Variants in CACNA1D observed in about 807,000 individuals in gnomAD.
CACNA1D encodes the protein voltage-dependent L-type calcium channel subunit alpha-1D.
Under a neutral mutation model 257.1 loss-of-function variants are expected in CACNA1D, and 55 were observed. The ratio of observed to expected loss-of-function variants is 0.21; its 90% CI spans 0.17 to 0.27. The LOEUF is 0.27. Ranked by LOEUF, CACNA1D falls within the 10% of genes least tolerant of loss-of-function variation. The probability of loss-of-function intolerance (pLI) is 1.00; values close to 1 mark genes in which losing one functional copy is unlikely to be tolerated. For missense variants in CACNA1D, 1,876 were observed against 2,784.0 expected (o/e 0.67, Z 7.34); for synonymous variants, 980 against 1,014.9 (o/e 0.97, Z 0.65).
chr3:53,619,629 T>C (rs2093674658), intron 3 of CACNA1D, among the ~76,000 whole-genome samples: 1 of 152,326 alleles, frequency 6.6e-6, no homozygotes. Flanking sequence ...TTCCCTAACA[T>C]GTCTGACCTT....
intron 9 of CACNA1D, among the ~76,000 whole-genome samples, chr3:53,717,208 C>A (rs752411614): frequency 6.6e-6 from 1 of 152,236 alleles, no homozygotes; most frequent in Non-Finnish European, 1.5e-5. Context: ...TCTTCCGTGA[C>A]TTCCTCTTTT....
rs988716745 is a variant in CACNA1D at position 53,812,765 on chromosome 3, T to C, written c.*1359T>C. The C allele has an allele frequency of 5.9e-5, 9 of 152,260 alleles. No homozygotes were observed. The highest frequency in any genetic ancestry group is 9.6e-5 in the African/African-American group (4 of 41,458). The allele number at this position is 152,260 out of a possible 1,614,324, so 9.4% of individuals were successfully genotyped here. On this transcript the variant is annotated 3_prime_UTR_variant, in exon 48 of 48. Transcript: ENST00000350061. ...GTCCTCTGGGGACTGGTGGTGCTGC[T>C]TAAGAAATAAGGGGTGCTGGGGACA...
intron 8 of CACNA1D, among the ~76,000 whole-genome samples, chr3:53,676,340 T>A (rs2094376763): frequency 6.6e-6 from 1 of 152,198 alleles, no homozygotes; most frequent in Admixed American, 6.5e-5. Context: ...CCATTGATAT[T>A]TTTGTTGTTG....
chr3:53,723,736 G>A lies in CACNA1D; in HGVS notation c.1893-56G>A. ...CCAGTCACATCCCCGGGCAGGTGAT[G>A]TTCTGCTCTGTCCTGCATGGGTGTT... is the stretch of plus-strand genomic sequence containing the variant. On this transcript the variant is annotated intron_variant, in intron 13 of 47. Coordinates refer to ENST00000350061, the MANE Select transcript of CACNA1D (RefSeq NM_001128840.3). This position sits in a 1 kb window ranked among gnomAD's most constrained non-coding sequence, Gnocchi z 5.6. 2 of 1,587,942 alleles carry A rather than the reference G, an allele frequency of 1.3e-6. No individual in the cohort carries two copies. The highest frequency in any genetic ancestry group is 1.7e-6 in the Non-Finnish European group (2 of 1,156,222).
chr3:53,538,272 T>C (rs1247299578), intron 3 of CACNA1D, among the ~76,000 whole-genome samples: 1 of 150,752 alleles, frequency 6.6e-6, no homozygotes, highest in Non-Finnish European at 1.5e-5. Flanking sequence ...CTTAGCTTAC[T>C]GAGTACCTGG....
chr3:53,505,124 T>TG (rs2090778126), intron 3 of CACNA1D, among the ~76,000 whole-genome samples: 2 of 147,074 alleles, frequency 1.4e-5, no homozygotes, highest in East Asian at 2.0e-4. Flanking sequence ...TGTTTTTTTT[T>TG]TTTTTTTTTT....
At chr3:53,710,332 G>A (rs2094738418) in intron 9 of CACNA1D, 3 of 446,114 alleles carry the variant, frequency 6.7e-6, no homozygotes, top group Admixed American at 4.7e-5. Flanking sequence ...GTGGGGCCCT[G>A]GTTTGGCTGC....
intron 2 of CACNA1D, among the ~76,000 whole-genome samples, chr3:53,497,726 G>C (rs1180717511): frequency 2.0e-5 from 3 of 152,124 alleles, no homozygotes; most frequent in African/African-American, 7.2e-5. Flanking sequence ...CTTCACAGGG[G>C]CAGATAATTA....
At chr3:53,749,516 G>T (rs376476923) in intron 27 of CACNA1D, 47 bp downstream of exon 27, 8 of 1,343,120 alleles carry the variant, frequency 6.0e-6, no homozygotes, top group Non-Finnish European at 7.5e-6. Context: ...GTCAGGAGCG[G>T]AGTGCCTTCT....
intron 14 of CACNA1D, 35 bp from the exon 15 acceptor site, chr3:53,726,844 T>G (rs745695279): frequency 6.2e-7 from 1 of 1,614,138 alleles, no homozygotes; most frequent in Non-Finnish European, 8.5e-7. Flanking sequence ...AATTTGTGAA[T>G]CCACCTGCTG....
intron 3 of CACNA1D, among the ~76,000 whole-genome samples, chr3:53,628,984 T>C (rs1325230262): frequency 1.3e-5 from 2 of 152,238 alleles, no homozygotes; most frequent in East Asian, 3.8e-4. Flanking sequence ...TCATGAGCAC[T>C]ACAGGTCTAG....
Position 53,495,279 on chromosome 3 carries a change from CA to C in CACNA1D, c.67+47del, listed in dbSNP as rs756048924. 1 of 1,610,934 alleles carries C rather than the reference CA, an allele frequency of 6.2e-7. No individual in the cohort carries two copies. The highest frequency in any genetic ancestry group is 1.1e-5 in the South Asian group (1 of 90,950). On this transcript the variant is annotated intron_variant, in intron 1 of 47. Transcript: ENST00000350061. This position sits in a 1 kb window ranked among gnomAD's most constrained non-coding sequence, Gnocchi z 5.1. ...CACCCGCTGCCAAATCCGATCCTGT[CA>C]TGGTCCTCCAGCCCCCTCCCCCTTC...
chr3:53,668,426 C>T (rs898418), intron 7 of CACNA1D, among the ~76,000 whole-genome samples: 117,024 of 152,108 alleles, frequency 0.77, 45,661 homozygotes, highest in African/African-American at 0.92. Flanking sequence ...GATATAATTA[C>T]TATTTTTATT....
At chr3:53,745,967 G>T in intron 25 of CACNA1D, 92 bp downstream of exon 25, 1 of 1,024,026 alleles carries the variant, frequency 9.8e-7, no homozygotes, top group South Asian at 1.3e-5. Context: ...AGTTTTGGTC[G>T]TGAAATAAAA....
chr3:53,699,462 G>T (rs1338680451), intron 8 of CACNA1D, among the ~76,000 whole-genome samples: 1 of 152,198 alleles, frequency 6.6e-6, no homozygotes, highest in Non-Finnish European at 1.5e-5. Context: ...AACAGGTATT[G>T]TTGTGTCTGT....
Position 53,800,576 on chromosome 3 carries a change from T to G in CACNA1D, c.5040+211T>G. On this transcript the variant is annotated intron_variant, in intron 41 of 47. Transcript: ENST00000350061. This position sits in a 1 kb window ranked among gnomAD's most constrained non-coding sequence, Gnocchi z 4.3. Reference sequence around the variant, plus strand: ...GGCCAGGCCAGCTCTTTCCCTGAGCTTACCCAGCTTCCCCTCACTGCCTGC... The same window carrying G: ...GGCCAGGCCAGCTCTTTCCCTGAGCGTACCCAGCTTCCCCTCACTGCCTGC... The G allele has an allele frequency of 1.6e-6, 1 of 623,390 alleles. No homozygotes were observed. Among genetic ancestry groups the G allele is most frequent in the South Asian group, 1.7e-5 (1 of 58,634 alleles). 38.6% of individuals were successfully genotyped at this position (623,390 alleles called of 1,614,324 possible).
chr3:53,811,121 A>G lies in CACNA1D; in HGVS notation c.6201A>G (p.Ile2067Met), dbSNP rs1242223664. ...CCCTCTTTTCTGTACAGGTCCTGAT[A>G]TCCGAAGGCTTGGGACGCTATGCAA... is the stretch of plus-strand genomic sequence containing the variant. ...SADSLVEAVL[I>M]SEGLGRYARD... is the part of the protein sequence containing the mutation. Residue 2067 changes from isoleucine (I) to methionine (M), a missense_variant, in exon 48 of 48, where the codon ATA (isoleucine) becomes ATG (methionine). Physicochemically the swap from Ile to Met is conservative, Grantham distance 10. Around this residue, in one of 10 missense-constraint regions of CACNA1D, gnomAD observed 491 missense variants for 554.3 expected, o/e 0.89. Transcript: ENST00000350061. The surrounding 1 kb of genome is among the most constrained non-coding windows in gnomAD (Gnocchi z 4.2). 5.6e-6 allele frequency: 9 copies of G among 1,613,712 alleles called. No homozygotes were observed. Among genetic ancestry groups the G allele is most frequent in the Non-Finnish European group, 7.6e-6 (9 of 1,179,798 alleles).
intron 3 of CACNA1D, among the ~76,000 whole-genome samples, chr3:53,544,471 A>G (rs1479728328): frequency 6.6e-6 from 1 of 151,974 alleles, no homozygotes; most frequent in East Asian, 1.9e-4. Context: ...TGCAAATCTC[A>G]GGGAGAAAGC....
intron 3 of CACNA1D, among the ~76,000 whole-genome samples, chr3:53,555,915 C>G (rs1315508575): frequency 2.0e-5 from 3 of 152,116 alleles, no homozygotes; most frequent in Non-Finnish European, 4.4e-5. Flanking sequence ...GTATCTCTTA[C>G]CACAATTAAG....
Sources: allele counts gnomAD v4.1 joint callset (sites outside exome capture counted in the v4.1 genomes callset), GRCh38; gene constraint gnomAD v4.1.1; regional missense constraint gnomAD v4.1.1; non-coding constraint Gnocchi (gnomAD v3.1); transcripts MANE v1.5; gene names NCBI Gene and HGNC (gene_info 2026-07-23, HGNC 2026-07-21).